ANKMY1: variants seen among roughly 807,000 people sequenced by gnomAD.
ANKMY1 encodes ankyrin repeat and MYND domain-containing protein 1.
ANKMY1 carries 98 observed loss-of-function variants against 102.0 expected under a neutral mutation model. That is an observed-to-expected ratio of 0.96 (90% CI 0.82 to 1.14). The LOEUF (loss-of-function observed/expected upper bound fraction) is 1.14. ANKMY1 is among the 50% of genes most tolerant of loss of function. ANKMY1 has a pLI of 0.00. For synonymous variants in ANKMY1, 582 were observed against 559.9 expected, an observed-to-expected ratio of 1.04 and a Z score of -0.56; for missense variants, 1,330 against 1,347.6, an observed-to-expected ratio of 0.99 and a Z score of 0.20.
the ANKMY1 span, among the ~76,000 whole-genome samples, chr2:240,469,097 G>A: frequency 6.6e-6 from 1 of 152,202 alleles, no homozygotes; most frequent in Non-Finnish European, 1.5e-5. Flanking sequence ...ACTCATCAGC[G>A]GCTGTAGTTG....
chr2:240,471,720 G>A, the ANKMY1 span, among the ~76,000 whole-genome samples: 1 of 152,184 alleles, frequency 6.6e-6, no homozygotes, highest in Non-Finnish European at 1.5e-5. Flanking sequence ...GCCTTCGTGG[G>A]AGCCTCAGGA....
Position 240,555,511 on chromosome 2 carries a change from G to A in ANKMY1, c.147-456C>T, listed in dbSNP as rs548753727. The A allele has an allele frequency of 6.7e-5, 12 of 179,180 alleles. No homozygotes were observed. The South Asian group carries it at 1.5e-3, about 22-fold the overall frequency. The allele number at this position is 179,180 out of a possible 1,614,324, so 11.1% of individuals were successfully genotyped here. On this transcript the variant is annotated intron_variant, in intron 2 of 17. Transcript: ENST00000401804. ...CCCATGGAAGGTCGGAAGGCAGCTCGAGAGGCAGCCAGCTCATACTAGGAT... is the reference window on the plus strand; with the variant it reads ...CCCATGGAAGGTCGGAAGGCAGCTCAAGAGGCAGCCAGCTCATACTAGGAT...
Position 240,479,647 on chromosome 2 carries a change from G to A in ANKMY1, c.3055C>T (p.Leu1019=). The A allele has an allele frequency of 6.2e-7, 1 of 1,613,756 alleles. No individual in the cohort carries two copies. The highest frequency in any genetic ancestry group is 8.5e-7 in the Non-Finnish European group (1 of 1,180,006). The change falls in exon 18 of 18, where the codon CTG becomes TTG. Residue 1019 remains leucine (L), a synonymous_variant. Coordinates refer to ENST00000401804, the MANE Select transcript of ANKMY1 (RefSeq NM_001282771.3). The part of the protein sequence containing the change: ...CGDLVAIVTQ[L]EQVSRRREEF... ...TCTCTCCTCCTGGAAACTTGCTCCA[G>A]TTGTGTCACTGGAGGAGGAAAAGGT...
Position 240,511,933 on chromosome 2 carries a change from C to G in ANKMY1, c.2214G>C (p.Thr738=). 6.3e-7 allele frequency: 1 copy of G among 1,576,646 alleles called. No homozygotes were observed. The highest frequency in any genetic ancestry group is 8.6e-7 in the Non-Finnish European group (1 of 1,168,104). Residue 738 remains threonine (T), a synonymous_variant, in exon 11 of 18, where the codon ACG becomes ACC. Transcript: ENST00000401804. ...CCCCCTCCTCCGGGAGGGCTGTGTC[C>G]GTGCTGTAGTAGGCTTGGGGAGGGC... ...EPGPPQAYYS[T]DTALPEEGGR...
At position 240,529,234 on chromosome 2, in the gene ANKMY1, G is replaced by A; in HGVS notation, c.756C>T (p.Asn252=). Residue 252 remains asparagine, a synonymous_variant, in exon 5 of 18, where the codon AAC becomes AAT. Coordinates refer to ENST00000401804, the MANE Select transcript of ANKMY1 (RefSeq NM_001282771.3). The surrounding 1 kb of genome is among the most constrained non-coding windows in gnomAD (Gnocchi z 4.2). ...CATACATTTCTGGAGGCAGCGTTAG[G>A]TTGTCATTCAGAAGAAACCGCTTAT... ...YDYKRFLLND[N]LTLPPEMYVY... 6.2e-7 allele frequency: 1 copy of A among 1,614,216 alleles called. No individual in the cohort carries two copies.
intron 11 of ANKMY1, among the ~76,000 whole-genome samples, chr2:240,510,128 G>T: frequency 2.6e-5 from 2 of 77,382 alleles, no homozygotes; most frequent in African/African-American, 5.3e-5. Flanking sequence ...TCCCATCCTT[G>T]CCCTCCCTGC....
chr2:240,505,399 T>C (rs1383588486), intron 13 of ANKMY1, among the ~76,000 whole-genome samples: 1 of 150,244 alleles, frequency 6.7e-6, no homozygotes, highest in Non-Finnish European at 1.5e-5. Flanking sequence ...GAGGCGGAGG[T>C]TGCAATGAGC....
intron 13 of ANKMY1, among the ~76,000 whole-genome samples, chr2:240,501,277 T>C (rs1167014895): frequency 6.6e-6 from 1 of 152,148 alleles, no homozygotes. Flanking sequence ...CATGTGTGTT[T>C]GTGAGTGAGT....
At position 240,546,435 on chromosome 2, in the gene ANKMY1, G is replaced by T. The variant is rs1377214887; in HGVS notation, c.480+6479C>A. On this transcript the variant is annotated intron_variant, in intron 4 of 17. Transcript: ENST00000401804. ...CAAAATGTAAAGACCATTGAGACTA[G>T]GAAGAAACTGCATCAACTAACGAGC... Among the ~76,000 whole-genome samples the T allele has an allele frequency of 7.2e-5, 11 of 152,144 alleles. No individual in the cohort carries two copies. The East Asian group carries it at 1.9e-3, about 27-fold the overall frequency.
rs1246241265 is a variant in ANKMY1 at position 240,526,302 on chromosome 2, C to T, written c.1097G>A (p.Arg366Lys). ...ACTAGCAAAGTTGTCCTTCAGGATC[C>T]TACAAATCCATTCGTGGTTCCCTTC... Reference protein sequence around the residue: ...AEEGNHEWICRILKDNFASAD... With the variant: ...AEEGNHEWICKILKDNFASAD... The change falls in exon 6 of 18, where the codon AGG (arginine) becomes AAG (lysine). Residue 366 changes from arginine (R) to lysine (K), a missense_variant. Physicochemically the swap from Arg to Lys is conservative, Grantham distance 26 (BLOSUM62 2). Transcript: ENST00000401804. 8 of 1,614,186 alleles carry T rather than the reference C, an allele frequency of 5.0e-6. No individual in the cohort carries two copies. The South Asian group carries it at 8.8e-5, about 18-fold the overall frequency.
intron 4 of ANKMY1, among the ~76,000 whole-genome samples, chr2:240,537,330 G>A (rs147824633): frequency 4.4e-4 from 67 of 152,208 alleles, no homozygotes; most frequent in Middle Eastern, 3.4e-3. Flanking sequence ...CTTCATGTTC[G>A]TAGGATTTCC....
At chr2:240,551,537 A>C (rs1466809108) in intron 4 of ANKMY1, among the ~76,000 whole-genome samples, 2 of 152,218 alleles carry the variant, frequency 1.3e-5, no homozygotes, top group Admixed American at 6.5e-5. Flanking sequence ...TGTGTGGGTG[A>C]TCAGGGCACC....
Position 240,529,522 on chromosome 2 carries a change from C to T in ANKMY1, c.481-13G>A, listed in dbSNP as rs376954334. Reference sequence around the variant, plus strand: ...CTTTGTATAGCCCCTGCCAAGGAAGCGCAATAGACCGAGGAGAGATAACGC... The same window carrying T: ...CTTTGTATAGCCCCTGCCAAGGAAGTGCAATAGACCGAGGAGAGATAACGC... On this transcript the variant is annotated splice_polypyrimidine_tract_variant and intron_variant, in intron 4 of 17. Transcript: ENST00000401804. This position sits in a 1 kb window ranked among gnomAD's most constrained non-coding sequence, Gnocchi z 4.2. 2.4e-5 allele frequency: 38 copies of T among 1,598,710 alleles called. No individual in the cohort carries two copies. The highest frequency in any genetic ancestry group is 1.0e-4 in the South Asian group (9 of 89,450).
At chr2:240,495,214 G>T (rs923355616) in intron 15 of ANKMY1, among the ~76,000 whole-genome samples, 2 of 152,124 alleles carry the variant, frequency 1.3e-5, no homozygotes, top group Non-Finnish European at 2.9e-5. Flanking sequence ...TCAGTGCCAA[G>T]GAAAAGTACC....
At chr2:240,535,743 T>C (rs2086574222) in intron 4 of ANKMY1, among the ~76,000 whole-genome samples, 1 of 152,122 alleles carries the variant, frequency 6.6e-6, no homozygotes, top group African/African-American at 2.4e-5. Context: ...AGGTAGGAAT[T>C]TGGGCAAGAT....
At chr2:240,544,044 A>G (rs992000229) in intron 4 of ANKMY1, among the ~76,000 whole-genome samples, 1 of 152,216 alleles carries the variant, frequency 6.6e-6, no homozygotes, top group African/African-American at 2.4e-5. Context: ...ATTTTGTCCA[A>G]CTTAGACGTT....
intron 9 of ANKMY1, among the ~76,000 whole-genome samples, chr2:240,514,061 G>A (rs1302543869): frequency 3.9e-5 from 6 of 152,328 alleles, no homozygotes; most frequent in Admixed American, 6.5e-5. Context: ...ACAGTCAGCC[G>A]GAGGCCACAC....
At position 240,553,159 on chromosome 2, in the gene ANKMY1, C is replaced by T. The variant is rs116379670; in HGVS notation, c.337-102G>A. The T allele has an allele frequency of 1.8e-3, 2,448 of 1,375,306 alleles. 24 individuals carry two copies. In the African/African-American group the frequency reaches 0.031, roughly 17 times the overall value. 85.2% of individuals were successfully genotyped at this position (1,375,306 alleles called of 1,614,324 possible). A position where few individuals can be genotyped will look rare whatever the true frequency, so the allele number is the denominator to read the frequency against. ...TGCCTGGTTGGCAATGAATGGGGAC[C>T]ACCCAGGGCTGTGGCAGAACTCAGG... On this transcript the variant is annotated intron_variant, in intron 3 of 17. Coordinates refer to ENST00000401804, the MANE Select transcript of ANKMY1 (RefSeq NM_001282771.3).
intron 4 of ANKMY1, among the ~76,000 whole-genome samples, chr2:240,530,027 C>A (rs528219710): frequency 2.0e-5 from 3 of 151,926 alleles, no homozygotes; most frequent in East Asian, 3.9e-4. Context: ...AGGGGAGGAG[C>A]AAAGGGAAGG....
Sources: allele counts gnomAD v4.1 joint callset (sites outside exome capture counted in the v4.1 genomes callset), GRCh38; gene constraint gnomAD v4.1.1; non-coding constraint Gnocchi (gnomAD v3.1); transcripts MANE v1.5; gene names NCBI Gene and HGNC (gene_info 2026-07-23, HGNC 2026-07-21).